DLG2: variants seen among roughly 807,000 people sequenced by gnomAD.
The protein encoded by DLG2 is discs large MAGUK scaffold protein 2.
In DLG2, 45 loss-of-function variants were observed where a neutral mutation model predicts 132.5. The observed-to-expected ratio is 0.34, with a 90% confidence interval of 0.27 to 0.44. The LOEUF is 0.44. Among genes scored for constraint, DLG2 ranks in the 20% least tolerant of loss-of-function variants. DLG2 has a pLI of 1.00. For missense variants in DLG2, 1,045 were observed against 1,196.9 expected (o/e 0.87, Z 1.87); for synonymous variants, 424 against 419.6 (o/e 1.01, Z -0.13).
intron 17 of DLG2, among the ~76,000 whole-genome samples, chr11:83,802,129 C>A (rs187914991): frequency 6.6e-6 from 1 of 151,570 alleles, no homozygotes; most frequent in East Asian, 1.9e-4. Flanking sequence ...ATAGCAGTGA[C>A]ATGACATGCA....
At chr11:84,747,134 C>T (rs970920473) in intron 6 of DLG2, among the ~76,000 whole-genome samples, 2 of 152,094 alleles carry the variant, frequency 1.3e-5, no homozygotes, top group Non-Finnish European at 2.9e-5. Context: ...GGAATAAATA[C>T]TTGTACAACA....
At chr11:84,735,775 G>A (rs1339758112) in intron 6 of DLG2, among the ~76,000 whole-genome samples, 1 of 151,916 alleles carries the variant, frequency 6.6e-6, no homozygotes, top group African/African-American at 2.4e-5. Flanking sequence ...TGGGCATTTA[G>A]TGCTATAAAT....
At chr11:85,253,807 G>GA (rs536034953) in intron 4 of DLG2, among the ~76,000 whole-genome samples, 29 of 152,098 alleles carry the variant, frequency 1.9e-4, no homozygotes, top group African/African-American at 5.8e-4. Flanking sequence ...AGTGAGAAGG[G>GA]AAAAAAATGC....
rs1054961290 is a variant in DLG2, at chr11:84,929,010, A to G, written c.357+182651T>C. ...TATATATATATATATATATATATAT[A>G]TATATATATATATATTACTGTGAAT... On this transcript the variant is annotated intron_variant, in intron 6 of 27. Transcript: ENST00000376104. Among the ~76,000 whole-genome samples, 432 of 132,114 alleles carry G rather than the reference A, an allele frequency of 3.3e-3. 12 individuals carry two copies. Among genetic ancestry groups the G allele is most frequent in the Non-Finnish European group, 4.7e-3 (292 of 61,856 alleles). 86.7% of individuals were successfully genotyped at this position (132,114 alleles called of 152,430 possible).
intron 6 of DLG2, among the ~76,000 whole-genome samples, chr11:84,870,455 T>C (rs1483597876): frequency 6.6e-6 from 1 of 152,220 alleles, no homozygotes; most frequent in South Asian, 2.1e-4. Context: ...AGGCCTGTTA[T>C]GGTTCCTTTC....
At chr11:84,172,718 T>G (rs1233542499) in intron 8 of DLG2, among the ~76,000 whole-genome samples, 3 of 152,074 alleles carry the variant, frequency 2.0e-5, no homozygotes, top group Non-Finnish European at 2.9e-5. Context: ...AATTTTTGTA[T>G]TTTTAGTAGA....
rs182320666 is a variant in DLG2, at chr11:85,275,476, C to G, written c.186+9744G>C. Among the ~76,000 whole-genome samples, 618 of 152,118 alleles carry G rather than the reference C, an allele frequency of 4.1e-3. 5 individuals are homozygous for G. Among genetic ancestry groups the G allele is most frequent in the Non-Finnish European group, 3.1e-3 (208 of 67,962 alleles). ...TATTTACTAAAATAATAATGAAATT[C>G]TAACTGAGAATACTAGTATATGTGA... On this transcript the variant is annotated intron_variant, in intron 4 of 27. Coordinates refer to ENST00000376104, the MANE Select transcript of DLG2 (RefSeq NM_001142699.3).
chr11:84,627,142 A>C (rs568719371), intron 6 of DLG2, among the ~76,000 whole-genome samples: 29 of 152,106 alleles, frequency 1.9e-4, no homozygotes, highest in Non-Finnish European at 3.8e-4. Context: ...AAGTGCTGGG[A>C]TTACAGCATA....
chr11:85,451,915 C>A (rs1036678419), intron 3 of DLG2, among the ~76,000 whole-genome samples: 1 of 152,056 alleles, frequency 6.6e-6, no homozygotes, highest in African/African-American at 2.4e-5. Context: ...GTTTTAATTC[C>A]TTTTATATTC....
At chr11:85,406,400 G>T (rs748101568) in intron 3 of DLG2, among the ~76,000 whole-genome samples, 3 of 151,722 alleles carry the variant, frequency 2.0e-5, no homozygotes, top group Non-Finnish European at 4.4e-5. Flanking sequence ...ATTCTGAAAG[G>T]AATTTTTAAA....
At chr11:84,159,222 T>C (rs896931449) in intron 9 of DLG2, among the ~76,000 whole-genome samples, 8 of 152,344 alleles carry the variant, frequency 5.3e-5, no homozygotes, top group African/African-American at 7.2e-5. Context: ...TTTATATTTA[T>C]ATACTGCATA....
At chr11:85,029,676 T>C (rs1444411287) in intron 6 of DLG2, among the ~76,000 whole-genome samples, 2 of 152,150 alleles carry the variant, frequency 1.3e-5, no homozygotes, top group Non-Finnish European at 2.9e-5. Flanking sequence ...AGCCCAAAGA[T>C]TTTTCTGTAC....
At chr11:84,005,104 C>T (rs1178415745) in intron 11 of DLG2, among the ~76,000 whole-genome samples, 4 of 151,664 alleles carry the variant, frequency 2.6e-5, no homozygotes, top group Admixed American at 1.3e-4. Flanking sequence ...ATCATACAAC[C>T]TGACTTAGAA....
At chr11:85,460,552 T>C (rs1004965653) in intron 3 of DLG2, among the ~76,000 whole-genome samples, 1 of 152,236 alleles carries the variant, frequency 6.6e-6, no homozygotes, top group Non-Finnish European at 1.5e-5. Context: ...AGTTGTTTCC[T>C]TGATGAACCC....
At chr11:84,029,586 T>C (rs996846163) in intron 11 of DLG2, among the ~76,000 whole-genome samples, 3 of 152,096 alleles carry the variant, frequency 2.0e-5, no homozygotes, top group African/African-American at 7.2e-5. Flanking sequence ...ATATGAATAA[T>C]ACAGTAAAAA....
chr11:84,000,828 AC>A (rs2094308412), intron 11 of DLG2, among the ~76,000 whole-genome samples: 1 of 152,130 alleles, frequency 6.6e-6, no homozygotes, highest in Admixed American at 6.6e-5. Flanking sequence ...ATTCAACACC[AC>A]TAGACCAGCT....
At chr11:84,727,941 T>A (rs2062686093) in intron 6 of DLG2, among the ~76,000 whole-genome samples, 1 of 152,172 alleles carries the variant, frequency 6.6e-6, no homozygotes, top group Non-Finnish European at 1.5e-5. Context: ...GCACATTGAT[T>A]TTGTATCCTG....
intron 6 of DLG2, among the ~76,000 whole-genome samples, chr11:85,039,351 G>A (rs2061659217): frequency 6.6e-6 from 1 of 151,874 alleles, no homozygotes; most frequent in Non-Finnish European, 1.5e-5. Context: ...TAGTTGATCA[G>A]TACACGCCAA....
intron 19 of DLG2, among the ~76,000 whole-genome samples, chr11:83,618,043 T>G (rs772272916): frequency 2.0e-5 from 3 of 152,192 alleles, no homozygotes; most frequent in Non-Finnish European, 4.4e-5. Context: ...GGAAGCCCAT[T>G]ATTTTTCACG....
Sources: allele counts gnomAD v4.1 joint callset (sites outside exome capture counted in the v4.1 genomes callset), GRCh38; gene constraint gnomAD v4.1.1; transcripts MANE v1.5; gene names NCBI Gene and HGNC (gene_info 2026-07-23, HGNC 2026-07-21).